UFSP2: variants seen among roughly 807,000 people sequenced by gnomAD.
UFSP2 encodes UFM1 specific peptidase 2.
In UFSP2, 43 loss-of-function variants were observed where a neutral mutation model predicts 60.2. The ratio of observed to expected loss-of-function variants is 0.71; its 90% CI spans 0.56 to 0.92. UFSP2 has a LOEUF of 0.92. Among genes scored for constraint, UFSP2 ranks in the 40% least tolerant of loss-of-function variants. UFSP2 has a pLI of 0.00. For synonymous variants in UFSP2, 183 were observed against 195.1 expected (o/e 0.94, Z 0.52); for missense variants, 520 against 575.0 (o/e 0.90, Z 0.98).
rs145146078 is a variant in UFSP2, at chr4:185,424,626, C to A, written c.3+1240G>T. On this transcript the variant is annotated intron_variant, in intron 1 of 11. Transcript: ENST00000264689. The stretch of plus-strand genomic sequence containing the variant: ...TCATCACAGAAAAATAAATGGAAAC[C>A]ACTTAAATAGCTATTAATAAGAAAT... Among the ~76,000 whole-genome samples, 930 of 152,222 alleles carry A rather than the reference C, an allele frequency of 6.1e-3. 9 individuals are homozygous for A. The highest frequency in any genetic ancestry group is 0.02 in the African/African-American group (848 of 41,524).
At chr4:185,403,676 T>G in intron 10 of UFSP2, 58 bp from the exon 11 acceptor site, 1 of 1,585,092 alleles carries the variant, frequency 6.3e-7, no homozygotes, top group South Asian at 1.2e-5. Flanking sequence ...CAAATGCCTA[T>G]TCAATTTAAA....
intron 7 of UFSP2, among the ~76,000 whole-genome samples, chr4:185,412,130 A>G (rs966068147): frequency 2.6e-5 from 4 of 152,308 alleles, no homozygotes; most frequent in Non-Finnish European, 1.5e-5. Flanking sequence ...GTGCTTTACA[A>G]TTTGCATATG....
intron 7 of UFSP2, 89 bp from the exon 8 acceptor site, chr4:185,408,524 T>TA (rs761412999): frequency 2.4e-4 from 323 of 1,339,270 alleles, no homozygotes; most frequent in Middle Eastern, 2.0e-3. Flanking sequence ...TTAATGTTCT[T>TA]AGAGTTAGAC....
chr4:185,415,180 T>C lies in UFSP2; in HGVS notation c.659A>G (p.Asp220Gly). 6.2e-7 allele frequency: 1 copy of C among 1,601,556 alleles called. No homozygotes were observed. The highest frequency in any genetic ancestry group is 8.5e-7 in the Non-Finnish European group (1 of 1,177,298). Residue 220 changes from aspartate to glycine, a missense_variant, in exon 6 of 12, where the codon GAT becomes GGT. Asp to Gly is a moderately conservative substitution (Grantham distance 94, BLOSUM62 -1). Transcript: ENST00000264689. ...CTTCCTATAGGCCTGCAGCTGGCCA[T>C]CTGGTATTCCTGAAGGATATGAAAT... Reference protein sequence around the residue: ...VTISYPSGIPDGQLQAYRKEL... With the variant: ...VTISYPSGIPGGQLQAYRKEL...
chr4:185,406,065 T>C lies in UFSP2; in HGVS notation c.1122-209A>G, dbSNP rs2095520049. The C allele has an allele frequency of 4.6e-6, 5 of 1,085,018 alleles. No homozygotes were observed. The South Asian group carries it at 5.6e-5, about 12-fold the overall frequency. 67.2% of individuals were successfully genotyped at this position (1,085,018 alleles called of 1,614,324 possible). On this transcript the variant is annotated intron_variant, in intron 9 of 11. Coordinates refer to ENST00000264689, the MANE Select transcript of UFSP2 (RefSeq NM_018359.5). ...ACTCAAAATACTTAAGGCCACCAAGTGTGCTAGATAAGACGCTAAAAGACC... is the reference window on the plus strand; with the variant it reads ...ACTCAAAATACTTAAGGCCACCAAGCGTGCTAGATAAGACGCTAAAAGACC...
intron 5 of UFSP2, 133 bp from the exon 6 acceptor site, chr4:185,415,480 T>C: frequency 2.3e-6 from 2 of 859,232 alleles, no homozygotes; most frequent in Non-Finnish European, 3.4e-6. Context: ...GTCTGAATTA[T>C]ACATTATAAA....
In UFSP2 at chr4:185,425,863, CACCA is replaced by C; in HGVS notation, c.2_3+2del. ...GGGGTCGGTGACGAGCAGAGATACT[CACCA>C]TGTCCGCGACGTGGCGGTGACACGG... On this transcript the variant is annotated splice_donor_variant and coding_sequence_variant, in exon 1 of 12. Coordinates refer to ENST00000264689, the MANE Select transcript of UFSP2 (RefSeq NM_018359.5). LOFTEE classifies it high-confidence loss of function. 6.2e-7 allele frequency: 1 copy of C among 1,604,290 alleles called. No homozygotes were observed. The highest frequency in any genetic ancestry group is 1.1e-5 in the South Asian group (1 of 89,476).
rs574385150 is a variant in UFSP2 at position 185,402,422 on chromosome 4, T to C, written c.1323+1072A>G. 21 of 406,822 alleles carry C rather than the reference T, an allele frequency of 5.2e-5. No individual in the cohort carries two copies. The East Asian group carries it at 8.4e-4, about 16-fold the overall frequency. The allele number at this position is 406,822 out of a possible 1,614,324, so 25.2% of individuals were successfully genotyped here. The stretch of plus-strand genomic sequence containing the variant: ...TATCCTATTAGTGTTTATACCCTTA[T>C]CATAAACAAAAGACTTCAGTAAACT... On this transcript the variant is annotated intron_variant, in intron 11 of 11. Coordinates refer to ENST00000264689, the MANE Select transcript of UFSP2 (RefSeq NM_018359.5).
intron 11 of UFSP2, among the ~76,000 whole-genome samples, chr4:185,402,780 A>G (rs2095514885): frequency 6.6e-6 from 1 of 151,844 alleles, no homozygotes; most frequent in Non-Finnish European, 1.5e-5. Context: ...CTGGCTTAAA[A>G]CTCTTTAACA....
chr4:185,425,054 T>C (rs906090153), intron 1 of UFSP2, among the ~76,000 whole-genome samples: 2 of 152,196 alleles, frequency 1.3e-5, no homozygotes, highest in African/African-American at 4.8e-5. Context: ...CCCAGATGGA[T>C]AGATCTCAAG....
At chr4:185,413,659 TA>T (rs923764808) in intron 7 of UFSP2, 66 bp downstream of exon 7, 2 of 1,456,960 alleles carry the variant, frequency 1.4e-6, no homozygotes, top group African/African-American at 2.9e-5. Context: ...TCCTACTGGG[TA>T]CCAACAAAAA....
chr4:185,406,013 T>TA, intron 9 of UFSP2, 157 bp from the exon 10 acceptor site: 1 of 1,464,234 alleles, frequency 6.8e-7, no homozygotes, highest in Non-Finnish European at 9.2e-7. Context: ...TGAGAGCAAT[T>TA]AAACTGTGCA....
chr4:185,404,047 A>G (rs549452010), intron 10 of UFSP2, among the ~76,000 whole-genome samples: 1 of 151,992 alleles, frequency 6.6e-6, no homozygotes, highest in East Asian at 1.9e-4. Context: ...ACCCTACACT[A>G]TAAAAGACAC....
intron 11 of UFSP2, among the ~76,000 whole-genome samples, chr4:185,401,358 G>A (rs2095513022): frequency 4.6e-5 from 7 of 152,180 alleles, no homozygotes. Context: ...TTAATTTAAT[G>A]TCCTAAAATC....
At chr4:185,416,370 A>G (rs891135026) in intron 4 of UFSP2, among the ~76,000 whole-genome samples, 4 of 152,262 alleles carry the variant, frequency 2.6e-5, no homozygotes, top group African/African-American at 7.2e-5. Context: ...TTTTAAACAT[A>G]TAACTATATA....
intron 7 of UFSP2, among the ~76,000 whole-genome samples, chr4:185,412,738 T>C (rs1009798203): frequency 3.9e-5 from 6 of 151,968 alleles, no homozygotes; most frequent in African/African-American, 1.2e-4. Flanking sequence ...CAGAAAGCAA[T>C]AGCAATGCCA....
At chr4:185,401,190 G>C (rs1048524196) in intron 11 of UFSP2, among the ~76,000 whole-genome samples, 18 of 152,160 alleles carry the variant, frequency 1.2e-4, no homozygotes, top group African/African-American at 4.3e-4. Flanking sequence ...CATGAAGTGA[G>C]TGACAAGCAG....
intron 6 of UFSP2, among the ~76,000 whole-genome samples, chr4:185,414,475 T>C (rs2095534877): frequency 6.6e-6 from 1 of 152,106 alleles, no homozygotes; most frequent in African/African-American, 2.4e-5. Flanking sequence ...ACTCCAGTGG[T>C]TTTAAAAGAT....
intron 4 of UFSP2, among the ~76,000 whole-genome samples, chr4:185,418,085 G>C (rs987414328): frequency 1.4e-4 from 5 of 36,106 alleles, no homozygotes; most frequent in Non-Finnish European, 2.4e-4. Flanking sequence ...AGAACCAAGA[G>C]TAGTGTGAAG....
Sources: gnomAD v4.1 joint callset for allele counts (sites outside exome capture counted in the v4.1 genomes callset) on GRCh38, gnomAD v4.1.1 for gene constraint, MANE v1.5 for transcripts, NCBI Gene and HGNC (gene_info 2026-07-23, HGNC 2026-07-21) for gene names.